TOMM70: variants seen among roughly 807,000 people sequenced by gnomAD.
The protein encoded by TOMM70 is translocase of outer mitochondrial membrane 70.
Under a neutral mutation model 73.6 loss-of-function variants are expected in TOMM70, and 13 were observed. The observed-to-expected ratio is 0.18, with a 90% CI of 0.11 to 0.28. The LOEUF (loss-of-function observed/expected upper bound fraction) is 0.28, where lower values mean the gene tolerates loss of function less well. TOMM70 is among the 10% of genes least tolerant of loss of function. TOMM70 has a pLI of 1.00. For missense variants in TOMM70, 609 were observed against 747.5 expected (o/e 0.81, Z 2.16); for synonymous variants, 257 against 271.2 (o/e 0.95, Z 0.51).
At chr3:100,397,012 C>T (rs1706833117) in intron 1 of TOMM70, among the ~76,000 whole-genome samples, 1 of 152,150 alleles carries the variant, frequency 6.6e-6, no homozygotes, top group Non-Finnish European at 1.5e-5. Context: ...TACAGATTTT[C>T]CATTCTATTT....
intron 1 of TOMM70, among the ~76,000 whole-genome samples, chr3:100,400,281 C>T (rs997008435): frequency 5.9e-5 from 9 of 152,070 alleles, no homozygotes; most frequent in African/African-American, 1.9e-4. Context: ...TCACGATGTA[C>T]CAATTGTTAA....
chr3:100,375,721 T>C (rs531099083), intron 6 of TOMM70, among the ~76,000 whole-genome samples: 1 of 152,192 alleles, frequency 6.6e-6, no homozygotes, highest in Non-Finnish European at 1.5e-5. Flanking sequence ...ACAAGGTTTT[T>C]AAAAAAGCTT....
chr3:100,387,403 T>C (rs191696741), intron 1 of TOMM70, among the ~76,000 whole-genome samples: 122 of 152,014 alleles, frequency 8.0e-4, no homozygotes, highest in African/African-American at 2.8e-3. Flanking sequence ...GCCGAGATCA[T>C]AGCACTGTAC....
At chr3:100,372,517 G>A (rs998345016) in intron 9 of TOMM70, 89 bp downstream of exon 9, 94 of 1,054,672 alleles carry the variant, frequency 8.9e-5, no homozygotes, top group Non-Finnish European at 1.3e-4. Flanking sequence ...CAAAGAAGCT[G>A]CAACCATGAT....
At chr3:100,391,458 G>T (rs1281427597) in intron 1 of TOMM70, among the ~76,000 whole-genome samples, 2 of 152,088 alleles carry the variant, frequency 1.3e-5, no homozygotes, top group African/African-American at 2.4e-5. Context: ...TGTAGGCCTA[G>T]GCTAATGTAT....
At chr3:100,373,135 T>A (rs1706528414) in intron 8 of TOMM70, among the ~76,000 whole-genome samples, 1 of 144,152 alleles carries the variant, frequency 6.9e-6, no homozygotes, top group Admixed American at 6.9e-5. Flanking sequence ...CTAGAAAAAT[T>A]TTTACTTAAA....
intron 1 of TOMM70, among the ~76,000 whole-genome samples, chr3:100,389,559 A>T (rs1706735351): frequency 6.6e-6 from 1 of 151,924 alleles, no homozygotes; most frequent in Non-Finnish European, 1.5e-5. Flanking sequence ...AGGCCAAACA[A>T]TTTTTTTTTA....
intron 11 of TOMM70, among the ~76,000 whole-genome samples, chr3:100,367,721 T>TA (rs1344541630): frequency 6.6e-6 from 1 of 152,170 alleles, no homozygotes; most frequent in Non-Finnish European, 1.5e-5. Context: ...GATAAACACT[T>TA]ACACAAAATA....
chr3:100,372,677 C>G lies in TOMM70; in HGVS notation c.1381G>C (p.Ala461Pro), dbSNP rs1274869351. ...TGNNSSQIQA[A>P]MKGFEEVIKK... is the part of the protein sequence containing the mutation. ...ATGACCTCTTCAAAACCTTTCATAGCTGCTTGGATTTGTGAAGAGTTGTTT... is the reference window on the plus strand; with the variant it reads ...ATGACCTCTTCAAAACCTTTCATAGGTGCTTGGATTTGTGAAGAGTTGTTT... Residue 461 changes from alanine to proline, a missense_variant, in exon 9 of 12, where the codon GCT (alanine) becomes CCT (proline). Transcript: ENST00000284320. 1.5e-5 allele frequency: 25 copies of G among 1,613,966 alleles called. No homozygotes were observed. The highest frequency in any genetic ancestry group is 2.1e-5 in the Non-Finnish European group (25 of 1,179,982).
At chr3:100,392,746 CATAAAA>C (rs929437412) in intron 1 of TOMM70, among the ~76,000 whole-genome samples, 8 of 152,114 alleles carry the variant, frequency 5.3e-5, no homozygotes, top group African/African-American at 1.4e-4. Flanking sequence ...CTAGAATAGA[CATAAAA>C]AGAACTAGAG....
rs376491365 is a variant in TOMM70 at position 100,369,425 on chromosome 3, A to G, written c.1453-290T>C. Among the ~76,000 whole-genome samples the G allele has an allele frequency of 7.2e-5, 11 of 152,266 alleles. No individual in the cohort carries two copies. In the South Asian group the frequency reaches 2.1e-3, roughly 29 times the overall value. ...TACAGATAATCCCATTCTTAGTCACAGCTCTAATATCACATTCTCATAGGT... is the reference window on the plus strand; with the variant it reads ...TACAGATAATCCCATTCTTAGTCACGGCTCTAATATCACATTCTCATAGGT... On this transcript the variant is annotated intron_variant, in intron 9 of 11. Coordinates refer to ENST00000284320, the MANE Select transcript of TOMM70 (RefSeq NM_014820.5).
At chr3:100,382,713 T>A (rs1015232691) in intron 4 of TOMM70, among the ~76,000 whole-genome samples, 1 of 152,200 alleles carries the variant, frequency 6.6e-6, no homozygotes. Flanking sequence ...GTTTCCTGTT[T>A]CAGCTTAGAA....
rs1262142348 is a variant in TOMM70, at chr3:100,386,141, A to C, written c.625+77T>G. 5 of 1,484,114 alleles carry C rather than the reference A, an allele frequency of 3.4e-6. No homozygotes were observed. In the South Asian group the frequency reaches 6.8e-5, roughly 20 times the overall value. 91.9% of individuals were successfully genotyped at this position (1,484,114 alleles called of 1,614,324 possible). A position where few individuals can be genotyped will look rare whatever the true frequency, so the allele number is the denominator to read the frequency against. ...AAAACAACTGATTCTTGCACTCACA[A>C]GGCAGTTTCATATACATTTACCAAT... On this transcript the variant is annotated intron_variant, in intron 3 of 11. Coordinates refer to ENST00000284320, the MANE Select transcript of TOMM70 (RefSeq NM_014820.5).
At chr3:100,377,462 C>T (rs1321426485) in intron 6 of TOMM70, 3 of 444,908 alleles carry the variant, frequency 6.7e-6, no homozygotes, top group African/African-American at 3.9e-5. Flanking sequence ...TACAGGGAGA[C>T]GATGAAACTA....
chr3:100,388,459 T>A (rs145080278), intron 1 of TOMM70, among the ~76,000 whole-genome samples: 2 of 152,254 alleles, frequency 1.3e-5, no homozygotes, highest in African/African-American at 4.8e-5. Context: ...CACACACCTA[T>A]CGTTTCAGAT....
rs560800781 is a variant in TOMM70 at position 100,369,791 on chromosome 3, G to A, written c.1453-656C>T. Among the ~76,000 whole-genome samples the A allele has an allele frequency of 2.6e-5, 4 of 152,194 alleles. No individual in the cohort carries two copies. The South Asian group carries it at 6.2e-4, about 24-fold the overall frequency. On this transcript the variant is annotated intron_variant, in intron 9 of 11. Coordinates refer to ENST00000284320, the MANE Select transcript of TOMM70 (RefSeq NM_014820.5). Reference sequence around the variant, plus strand: ...TCTAGGATTACAGGAGTGAGCCACCGCACCTGGCCAGGGAATTATCTTAAG... The same window carrying A: ...TCTAGGATTACAGGAGTGAGCCACCACACCTGGCCAGGGAATTATCTTAAG...
At position 100,365,019 on chromosome 3, in the gene TOMM70, CAG is replaced by C. The variant is rs1399890578; in HGVS notation, c.*543_*544del. On this transcript the variant is annotated 3_prime_UTR_variant, in exon 12 of 12. Coordinates refer to ENST00000284320, the MANE Select transcript of TOMM70 (RefSeq NM_014820.5). Reference sequence around the variant, plus strand: ...CACCAAGTTTCTAAAACTGCAGAATCAGAGGCATTGTGCATGCTGACAATGGT... The same window carrying C: ...CACCAAGTTTCTAAAACTGCAGAATCAGGCATTGTGCATGCTGACAATGGT... 1.3e-5 allele frequency: 2 copies of C among 152,620 alleles called. No homozygotes were observed. The highest frequency in any genetic ancestry group is 6.5e-5 in the Admixed American group (1 of 15,364). The allele number at this position is 152,620 out of a possible 1,614,324, so 9.5% of individuals were successfully genotyped here. A position where few individuals can be genotyped will look rare whatever the true frequency, so the allele number is the denominator to read the frequency against.
At chr3:100,376,589 T>A (rs1032112673) in intron 6 of TOMM70, among the ~76,000 whole-genome samples, 1 of 114,842 alleles carries the variant, frequency 8.7e-6, no homozygotes, top group South Asian at 2.6e-4. Context: ...GTCCAATCTA[T>A]TTTTTTTTTT....
Position 100,386,297 on chromosome 3 carries a change from A to G in TOMM70, c.546T>C (p.Leu182=), listed in dbSNP as rs1006831642. 1 of 1,613,154 alleles carries G rather than the reference A, an allele frequency of 6.2e-7. No individual in the cohort carries two copies. ...VAQDCTKAVE[L]NPKYVKALFR... ...AGAGAGCTTTCACATATTTGGGATTAAGTTCAACAGCTTTTGTACAGTCTT... is the reference window on the plus strand; with the variant it reads ...AGAGAGCTTTCACATATTTGGGATTGAGTTCAACAGCTTTTGTACAGTCTT... Residue 182 remains leucine (L), a synonymous_variant, in exon 3 of 12, where the codon CTT becomes CTC. Coordinates refer to ENST00000284320, the MANE Select transcript of TOMM70 (RefSeq NM_014820.5).
Sources: allele counts gnomAD v4.1 joint callset (sites outside exome capture counted in the v4.1 genomes callset), GRCh38; gene constraint gnomAD v4.1.1; transcripts MANE v1.5; gene names NCBI Gene and HGNC (gene_info 2026-07-23, HGNC 2026-07-21).